Variants in XXYLT1 observed in about 807,000 individuals in gnomAD.
XXYLT1 encodes xyloside xylosyltransferase 1.
In XXYLT1, 20 loss-of-function variants were observed where a neutral mutation model predicts 28.9. The ratio of observed to expected loss-of-function variants is 0.69; its 90% CI spans 0.49 to 1.00. The LOEUF (loss-of-function observed/expected upper bound fraction) is 1.00, where lower values mean the gene tolerates loss of function less well. XXYLT1 is among the 50% of genes least tolerant of loss of function. The pLI is 0.00. For missense variants in XXYLT1, 542 were observed against 560.1 expected (o/e 0.97, Z 0.33); for synonymous variants, 257 against 253.8 (o/e 1.01, Z -0.12).
At chr3:195,100,090 C>G (rs529626738) in intron 3 of XXYLT1, among the ~76,000 whole-genome samples, 1 of 152,206 alleles carries the variant, frequency 6.6e-6, no homozygotes, top group African/African-American at 2.4e-5. Flanking sequence ...TCTGGAACTT[C>G]CAGTCCCTGC....
intron 1 of XXYLT1, among the ~76,000 whole-genome samples, chr3:195,252,727 C>CACACACAG (rs1191544595): frequency 5.9e-5 from 7 of 119,010 alleles, no homozygotes; most frequent in African/African-American, 8.0e-5. Flanking sequence ...CACACACACA[C>CACACACAG]AGAGAGAGAG....
intron 3 of XXYLT1, among the ~76,000 whole-genome samples, chr3:195,090,880 C>T (rs998184618): frequency 6.6e-6 from 1 of 151,540 alleles, no homozygotes; most frequent in Non-Finnish European, 1.5e-5. Flanking sequence ...AAACTACCAT[C>T]AGAGAATACT....
At chr3:195,244,455 G>C (rs1724917134) in intron 1 of XXYLT1, among the ~76,000 whole-genome samples, 1 of 152,066 alleles carries the variant, frequency 6.6e-6, no homozygotes, top group Non-Finnish European at 1.5e-5. Context: ...TCAGGCACAG[G>C]AATCTTCATT....
chr3:195,192,482 G>T (rs569936629), intron 2 of XXYLT1, among the ~76,000 whole-genome samples: 4 of 151,390 alleles, frequency 2.6e-5, no homozygotes, highest in African/African-American at 9.7e-5. Context: ...TTTCAGAAAA[G>T]GAACACTTCC....
At chr3:195,110,842 T>G (rs568418891) in intron 3 of XXYLT1, among the ~76,000 whole-genome samples, 507 of 6,890 alleles carry the variant, frequency 0.074, 8 homozygotes, top group African/African-American at 0.11. Flanking sequence ...GTGTGGTGTG[T>G]TGTGTGTGTT....
chr3:195,126,926 A>C (rs1185688467), intron 3 of XXYLT1, among the ~76,000 whole-genome samples: 1 of 152,148 alleles, frequency 6.6e-6, no homozygotes, highest in Non-Finnish European at 1.5e-5. Context: ...GAGGGTCCGA[A>C]AGACTCTCAC....
At chr3:195,229,441 T>C (rs1051670510) in intron 1 of XXYLT1, among the ~76,000 whole-genome samples, 2 of 152,230 alleles carry the variant, frequency 1.3e-5, no homozygotes, top group Admixed American at 6.5e-5. Flanking sequence ...AACTACTTTT[T>C]ACTGTAGTCA....
At chr3:195,100,403 C>A (rs1716711023) in intron 3 of XXYLT1, among the ~76,000 whole-genome samples, 2 of 152,196 alleles carry the variant, frequency 1.3e-5, no homozygotes, top group African/African-American at 2.4e-5. Flanking sequence ...CAAGGAGGGA[C>A]ACATTTAGCA....
At chr3:195,103,368 GGCCTGCGTCC>G (rs1716904592) in intron 3 of XXYLT1, among the ~76,000 whole-genome samples, 1 of 149,048 alleles carries the variant, frequency 6.7e-6, no homozygotes, top group Admixed American at 6.8e-5. Flanking sequence ...CCACGCCAGC[GGCCTGCGTCC>G]ATCACCCCAC....
intron 2 of XXYLT1, among the ~76,000 whole-genome samples, chr3:195,169,127 CA>C (rs1396842622): frequency 1.3e-5 from 2 of 151,812 alleles, no homozygotes; most frequent in Non-Finnish European, 2.9e-5. Context: ...TCTAAAGGCT[CA>C]GCCTGGCTGG....
intron 2 of XXYLT1, among the ~76,000 whole-genome samples, chr3:195,177,649 G>C (rs2108730099): frequency 6.6e-6 from 1 of 152,202 alleles, no homozygotes; most frequent in South Asian, 2.1e-4. Context: ...GAGATGGCCA[G>C]GTACGGTGGC....
intron 1 of XXYLT1, chr3:195,247,859 A>C (rs1225267864): frequency 1.4e-6 from 1 of 700,872 alleles, no homozygotes; most frequent in Non-Finnish European, 2.6e-6. Context: ...ACAGAGAGAG[A>C]GAAGGGGGAA....
rs568335071 is a variant in XXYLT1 at position 195,088,355 on chromosome 3, C to T, written c.786-18244G>A. ...GGAGATCTGAGAACGGGCAGACTGC[C>T]TCCTCAAGTGGGTCCCTGACCCCTG... is the stretch of plus-strand genomic sequence containing the variant. On this transcript the variant is annotated intron_variant, in intron 3 of 3. Coordinates refer to ENST00000310380, the MANE Select transcript of XXYLT1 (RefSeq NM_152531.5). Among the ~76,000 whole-genome samples, 155 of 147,050 alleles carry T rather than the reference C, an allele frequency of 1.1e-3. 1 individual carries two copies. Among genetic ancestry groups the T allele is most frequent in the South Asian group, 4.3e-3 (19 of 4,384 alleles).
intron 2 of XXYLT1, among the ~76,000 whole-genome samples, chr3:195,157,080 T>C (rs1209162303): frequency 1.3e-5 from 2 of 151,760 alleles, no homozygotes. Context: ...CTGTCTCTAC[T>C]AAAAATACAA....
intron 1 of XXYLT1, among the ~76,000 whole-genome samples, chr3:195,245,927 C>T (rs1372211859): frequency 2.0e-5 from 3 of 152,212 alleles, no homozygotes; most frequent in African/African-American, 7.2e-5. Context: ...CAGGCGCTGG[C>T]ACCACCCTTC....
chr3:195,194,748 C>T (rs1391002569), intron 2 of XXYLT1, among the ~76,000 whole-genome samples: 1 of 152,160 alleles, frequency 6.6e-6, no homozygotes. Context: ...ATGACTGATA[C>T]ATGCTACAAC....
At chr3:195,105,843 C>T (rs1331670292) in intron 3 of XXYLT1, among the ~76,000 whole-genome samples, 1 of 152,230 alleles carries the variant, frequency 6.6e-6, no homozygotes, top group African/African-American at 2.4e-5. Context: ...TTCCCTCTCT[C>T]CTTTCCTGGT....
At chr3:195,182,179 A>C (rs1180087353) in intron 2 of XXYLT1, among the ~76,000 whole-genome samples, 2 of 152,244 alleles carry the variant, frequency 1.3e-5, no homozygotes, top group East Asian at 3.9e-4. Context: ...TCTGTGCTGG[A>C]TTCTCTCGCC....
rs527851931 is a variant in XXYLT1, at chr3:195,195,728, G to A, written c.652+30981C>T. ...CAGCTCGGAGGGCCCGGGCAGTGCC[G>A]TGCTGGGAATGCTCTTCCTGCACCC... On this transcript the variant is annotated intron_variant, in intron 2 of 3. Coordinates refer to ENST00000310380, the MANE Select transcript of XXYLT1 (RefSeq NM_152531.5). The surrounding 1 kb of genome is among the most constrained non-coding windows in gnomAD (Gnocchi z 4.4). 6.6e-6 allele frequency among the ~76,000 whole-genome samples: 1 copy of A among 152,114 alleles called. No individual in the cohort carries two copies. The highest frequency in any genetic ancestry group is 2.1e-4 in the South Asian group (1 of 4,836).
Sources: gnomAD v4.1 joint callset for allele counts (sites outside exome capture counted in the v4.1 genomes callset) on GRCh38, gnomAD v4.1.1 for gene constraint, Gnocchi (gnomAD v3.1) non-coding constraint, MANE v1.5 for transcripts, NCBI Gene and HGNC (gene_info 2026-07-23, HGNC 2026-07-21) for gene names.